Variants in SLC39A11 observed in about 807,000 individuals in gnomAD.
SLC39A11 encodes solute carrier family 39 member 11, also known as zinc transporter ZIP11.
Under a neutral mutation model 36.1 loss-of-function variants are expected in SLC39A11, and 33 were observed. That is an observed-to-expected ratio of 0.91 (90% CI 0.69 to 1.22). SLC39A11 has a LOEUF of 1.22. SLC39A11 is among the 50% of genes most tolerant of loss of function. The probability of loss-of-function intolerance (pLI) is 0.00; values close to 1 mark genes in which losing one functional copy is unlikely to be tolerated. For missense variants in SLC39A11, 432 were observed against 430.3 expected, an observed-to-expected ratio of 1.00 and a Z score of -0.03; for synonymous variants, 166 against 170.3, an observed-to-expected ratio of 0.97 and a Z score of 0.20.
intron 3 of SLC39A11, among the ~76,000 whole-genome samples, chr17:73,035,756 C>T (rs974728275): frequency 3.3e-5 from 5 of 149,430 alleles, no homozygotes; most frequent in African/African-American, 1.2e-4. Context: ...CCCAGCTACT[C>T]AGGAGGCTGA....
At chr17:72,763,576 A>T (rs1375940496) in intron 6 of SLC39A11, among the ~76,000 whole-genome samples, 1 of 152,254 alleles carries the variant, frequency 6.6e-6, no homozygotes, top group Admixed American at 6.5e-5. Flanking sequence ...ATTCAAAATA[A>T]TTAAGAGCTG....
Position 72,786,971 on chromosome 17 carries a change from T to C in SLC39A11, c.602-50252A>G, listed in dbSNP as rs553776525. Among the ~76,000 whole-genome samples, 8 of 151,268 alleles carry C rather than the reference T, an allele frequency of 5.3e-5. No homozygotes were observed. In the South Asian group the frequency reaches 1.3e-3, roughly 24 times the overall value. On this transcript the variant is annotated intron_variant, in intron 6 of 9. Coordinates refer to ENST00000255559, the MANE Select transcript of SLC39A11 (RefSeq NM_139177.4). Reference sequence around the variant, plus strand: ...GGTAGCTGGGATTACAGGCACCCGCTGCCACGCCCAGCTAATTTTTGTATT... The same window carrying C: ...GGTAGCTGGGATTACAGGCACCCGCCGCCACGCCCAGCTAATTTTTGTATT...
intron 4 of SLC39A11, among the ~76,000 whole-genome samples, chr17:72,971,442 C>A (rs544335261): frequency 7.9e-5 from 12 of 152,148 alleles, no homozygotes; most frequent in African/African-American, 2.7e-4. Flanking sequence ...AATGGCACAG[C>A]GCCCCCCGAT....
intron 4 of SLC39A11, among the ~76,000 whole-genome samples, chr17:73,031,168 C>T (rs1229516800): frequency 6.6e-6 from 1 of 151,838 alleles, no homozygotes; most frequent in Non-Finnish European, 1.5e-5. Flanking sequence ...GGTCAAAGGC[C>T]TAATGCTACA....
chr17:72,905,903 G>C (rs565669449), intron 5 of SLC39A11, among the ~76,000 whole-genome samples: 5 of 152,130 alleles, frequency 3.3e-5, no homozygotes, highest in African/African-American at 1.2e-4. Context: ...ACAGGCGCCC[G>C]CCACCACGCC....
chr17:72,831,140 T>TTC (rs948098609), intron 6 of SLC39A11, among the ~76,000 whole-genome samples: 4 of 151,524 alleles, frequency 2.6e-5, no homozygotes, highest in African/African-American at 9.8e-5. Context: ...TTTTTTTTTT[T>TTC]CTCCCATCAG....
rs998921605 is a variant in SLC39A11, at chr17:72,736,641, C to T, written c.671+9G>A. On this transcript the variant is annotated intron_variant, in intron 7 of 9. Coordinates refer to ENST00000255559, the MANE Select transcript of SLC39A11 (RefSeq NM_139177.4). ...AACCATGCTCTAGGGTCCCAGGATG[C>T]TGGCTTACCTGGCACTCTCAAAGGT... The T allele has an allele frequency of 3.7e-6, 6 of 1,613,356 alleles. No homozygotes were observed. The African/African-American group carries it at 8.0e-5, about 22-fold the overall frequency.
rs72843238 is a variant in SLC39A11 at position 72,716,165 on chromosome 17, G to C, written c.671+20485C>G. On this transcript the variant is annotated intron_variant, in intron 7 of 9. Transcript: ENST00000255559. ...CCTGCAGGCATGAGGTCATACAAGC[G>C]GGGTGTTGGGCAGAGGCCCCTGGCA... 4.7e-3 allele frequency among the ~76,000 whole-genome samples: 705 copies of C among 148,712 alleles called. 1 individual carries two copies. Among genetic ancestry groups the C allele is most frequent in the Non-Finnish European group, 7.7e-3 (521 of 67,972 alleles).
At chr17:72,959,029 T>C (rs890440426) in intron 4 of SLC39A11, among the ~76,000 whole-genome samples, 1 of 151,994 alleles carries the variant, frequency 6.6e-6, no homozygotes. Flanking sequence ...GATGTTTGCA[T>C]AGATGTGGTG....
At chr17:72,806,184 TCTTG>T (rs2077251141) in intron 6 of SLC39A11, among the ~76,000 whole-genome samples, 2 of 152,196 alleles carry the variant, frequency 1.3e-5, no homozygotes, top group South Asian at 4.1e-4. Flanking sequence ...TTATCTTCTT[TCTTG>T]GTTTATCCTG....
chr17:73,044,442 C>T (rs953477564), intron 3 of SLC39A11, among the ~76,000 whole-genome samples: 5 of 152,182 alleles, frequency 3.3e-5, no homozygotes, highest in African/African-American at 4.8e-5. Context: ...AGACAAACAA[C>T]AAAAACTATA....
chr17:72,907,854 C>T (rs1035976231), intron 5 of SLC39A11, among the ~76,000 whole-genome samples: 2 of 152,214 alleles, frequency 1.3e-5, no homozygotes, highest in Non-Finnish European at 2.9e-5. Flanking sequence ...CTGCGGTGCA[C>T]AGCATGGGGC....
chr17:72,803,668 G>A (rs554359551), intron 6 of SLC39A11, among the ~76,000 whole-genome samples: 9 of 152,210 alleles, frequency 5.9e-5, no homozygotes, highest in African/African-American at 2.2e-4. Flanking sequence ...GCTCCTGGAG[G>A]GCAGGTCACA....
intron 5 of SLC39A11, among the ~76,000 whole-genome samples, chr17:72,880,286 G>A (rs1364545741): frequency 6.6e-6 from 1 of 152,194 alleles, no homozygotes; most frequent in African/African-American, 2.4e-5. Flanking sequence ...AAAGAACTTG[G>A]GGCTGGGCAT....
chr17:73,001,498 G>A (rs1230774024), intron 4 of SLC39A11, among the ~76,000 whole-genome samples: 2 of 151,202 alleles, frequency 1.3e-5, no homozygotes, highest in Non-Finnish European at 2.9e-5. Context: ...CACCAGCATG[G>A]CACATGTATA....
intron 6 of SLC39A11, among the ~76,000 whole-genome samples, chr17:72,765,432 A>C (rs1211238503): frequency 1.3e-5 from 2 of 152,220 alleles, no homozygotes; most frequent in South Asian, 2.1e-4. Context: ...ATTAAGGAAT[A>C]ATAAAACTTT....
intron 7 of SLC39A11, among the ~76,000 whole-genome samples, chr17:72,654,873 A>T (rs1339553396): frequency 6.6e-6 from 1 of 152,236 alleles, no homozygotes; most frequent in African/African-American, 2.4e-5. Context: ...TCGCCGTGAC[A>T]TAGCGCTGAC....
At chr17:72,724,564 A>C (rs1407592467) in intron 7 of SLC39A11, among the ~76,000 whole-genome samples, 1 of 152,110 alleles carries the variant, frequency 6.6e-6, no homozygotes, top group Non-Finnish European at 1.5e-5. Context: ...CTACAGACAG[A>C]TCAGCTCTTA....
At chr17:72,732,818 A>G (rs2074285347) in intron 7 of SLC39A11, among the ~76,000 whole-genome samples, 1 of 152,198 alleles carries the variant, frequency 6.6e-6, no homozygotes, top group Admixed American at 6.5e-5. Context: ...ATCCTAGGCC[A>G]GTATTTATGC....
Sources: allele counts gnomAD v4.1 joint callset (sites outside exome capture counted in the v4.1 genomes callset), GRCh38; gene constraint gnomAD v4.1.1; transcripts MANE v1.5; gene names NCBI Gene and HGNC (gene_info 2026-07-23, HGNC 2026-07-21).